The following ADAMTSL1 variants were observed in gnomAD, a reference collection of about 807,000 sequenced individuals.
ADAMTSL1 encodes the protein ADAMTS like 1.
Under a neutral mutation model 201.8 loss-of-function variants are expected in ADAMTSL1, and 126 were observed. The ratio of observed to expected loss-of-function variants is 0.62; its 90% CI spans 0.54 to 0.72. The LOEUF (loss-of-function observed/expected upper bound fraction) is 0.72, where lower values mean the gene tolerates loss of function less well. Ranked by LOEUF, ADAMTSL1 falls within the 30% of genes least tolerant of loss-of-function variation. ADAMTSL1 has a pLI of 0.00. For missense variants in ADAMTSL1, 2,679 were observed against 2,277.8 expected, an observed-to-expected ratio of 1.18 and a Z score of -3.59; for synonymous variants, 1,121 against 903.4, an observed-to-expected ratio of 1.24 and a Z score of -4.32.
intron 2 of ADAMTSL1, among the ~76,000 whole-genome samples, chr9:18,276,700 A>T (rs183586131): frequency 5.3e-5 from 8 of 152,322 alleles, no homozygotes; most frequent in African/African-American, 1.9e-4. Flanking sequence ...GGTGTATATC[A>T]CATGATGAGA....
intron 5 of ADAMTSL1, among the ~76,000 whole-genome samples, chr9:18,622,927 A>C (rs1826125823): frequency 6.6e-6 from 1 of 152,132 alleles, no homozygotes; most frequent in Non-Finnish European, 1.5e-5. Context: ...TGAGTCTCTC[A>C]TTCTGTTGCC....
chr9:18,267,762 T>TAAAAAAAAAA lies in ADAMTSL1; in HGVS notation c.207+103784_207+103793dup, dbSNP rs72030473. Among the ~76,000 whole-genome samples, 23 of 125,250 alleles carry TAAAAAAAAAA rather than the reference T, an allele frequency of 1.8e-4. 1 individual carries two copies. The highest frequency in any genetic ancestry group is 7.1e-4 in the East Asian group (3 of 4,250). 82.2% of individuals were successfully genotyped at this position (125,250 alleles called of 152,430 possible). On this transcript the variant is annotated intron_variant, in intron 2 of 29. Coordinates refer to the ADAMTSL1 transcript ENST00000680146. ...ATTTCTCAGGTTACTCAAAGGCTATTAAAAAAAAAAAACAAAAACAAAAAC... is the reference window on the plus strand; with the variant it reads ...ATTTCTCAGGTTACTCAAAGGCTATTAAAAAAAAAAAAAAAAAAAAAACAAAAACAAAAAC...
chr9:18,302,718 T>C (rs1422303489), intron 2 of ADAMTSL1, among the ~76,000 whole-genome samples: 1 of 152,216 alleles, frequency 6.6e-6, no homozygotes, highest in Non-Finnish European at 1.5e-5. Flanking sequence ...TTTAATGCTG[T>C]CTTATGTTTC....
intron 2 of ADAMTSL1, among the ~76,000 whole-genome samples, chr9:18,166,536 A>G (rs1827640927): frequency 6.6e-6 from 1 of 151,966 alleles, no homozygotes; most frequent in South Asian, 2.1e-4. Context: ...TCTTCAAGCC[A>G]GTATATAGGT....
chr9:18,484,507 C>A (rs769691159), intron 1 of ADAMTSL1, among the ~76,000 whole-genome samples: 1 of 152,080 alleles, frequency 6.6e-6, no homozygotes, highest in Non-Finnish European at 1.5e-5. Context: ...GAAACCTAAG[C>A]TTAATGGGTG....
intron 14 of ADAMTSL1, among the ~76,000 whole-genome samples, chr9:18,713,262 A>C (rs1452614263): frequency 1.3e-5 from 2 of 152,136 alleles, no homozygotes; most frequent in Non-Finnish European, 2.9e-5. Context: ...TTAACTTTAA[A>C]TGTCAATGGA....
At chr9:18,493,441 T>C (rs1001132114) in intron 1 of ADAMTSL1, among the ~76,000 whole-genome samples, 3 of 152,208 alleles carry the variant, frequency 2.0e-5, no homozygotes, top group Non-Finnish European at 2.9e-5. Flanking sequence ...CCCAGTTCTC[T>C]TTCTAATCCC....
chr9:18,174,681 T>C (rs898411357), intron 2 of ADAMTSL1, among the ~76,000 whole-genome samples: 1 of 152,154 alleles, frequency 6.6e-6, no homozygotes, highest in African/African-American at 2.4e-5. Context: ...ACTAAGATTG[T>C]AATCGGGCTG....
intron 4 of ADAMTSL1, among the ~76,000 whole-genome samples, chr9:18,574,955 A>T (rs368768272): frequency 3.3e-5 from 5 of 152,148 alleles, no homozygotes; most frequent in African/African-American, 1.2e-4. Flanking sequence ...TTGGATTAGG[A>T]TTACCAGTCT....
At position 18,250,884 on chromosome 9, in the gene ADAMTSL1, C is replaced by T. The variant is rs1206041276; in HGVS notation, c.207+86903C>T. On this transcript the variant is annotated intron_variant, in intron 2 of 29. Coordinates refer to the ADAMTSL1 transcript ENST00000680146. Reference sequence around the variant, plus strand: ...GCCACTGCTAAGGAATCTCTACCAACTTATGTGTGAGTGCTAAAGAAACGC... The same window carrying T: ...GCCACTGCTAAGGAATCTCTACCAATTTATGTGTGAGTGCTAAAGAAACGC... Among the ~76,000 whole-genome samples the T allele has an allele frequency of 4.6e-5, 7 of 152,242 alleles. No homozygotes were observed. The East Asian group carries it at 9.7e-4, about 21-fold the overall frequency.
At chr9:18,478,636 G>A (rs886980900) in intron 1 of ADAMTSL1, among the ~76,000 whole-genome samples, 2 of 152,016 alleles carry the variant, frequency 1.3e-5, no homozygotes, top group Non-Finnish European at 2.9e-5. Context: ...AAGTTTAATT[G>A]TGCCCTCCTC....
At chr9:18,363,729 A>T (rs2133090691) in intron 2 of ADAMTSL1, among the ~76,000 whole-genome samples, 1 of 152,340 alleles carries the variant, frequency 6.6e-6, no homozygotes, top group South Asian at 2.1e-4. Flanking sequence ...GGAAGGGGAA[A>T]ATCAGAGCTG....
At chr9:18,316,772 G>A (rs12339435) in intron 2 of ADAMTSL1, among the ~76,000 whole-genome samples, 47,999 of 152,038 alleles carry the variant, frequency 0.32, 8,426 homozygotes, top group Admixed American at 0.5. Flanking sequence ...GACAGGCATA[G>A]GAAATCACAA....
chr9:18,897,516 C>A (rs995062471), intron 26 of ADAMTSL1, among the ~76,000 whole-genome samples: 3 of 152,256 alleles, frequency 2.0e-5, no homozygotes, highest in African/African-American at 7.2e-5. Context: ...GAGGAAGGGG[C>A]AGGCTGCCAT....
intron 8 of ADAMTSL1, among the ~76,000 whole-genome samples, chr9:18,659,776 A>G (rs1411579303): frequency 1.3e-5 from 2 of 152,206 alleles, no homozygotes; most frequent in Non-Finnish European, 2.9e-5. Context: ...CAAAAAAAGA[A>G]GAAAGAAAGA....
chr9:18,105,284 A>C (rs1378193395), intron 1 of ADAMTSL1, among the ~76,000 whole-genome samples: 1 of 152,158 alleles, frequency 6.6e-6, no homozygotes, highest in African/African-American at 2.4e-5. Context: ...ATTGCTATGG[A>C]TAATCAGAAC....
At position 18,588,799 on chromosome 9, in the gene ADAMTSL1, C is replaced by A. The variant is rs191777543; in HGVS notation, c.474+14533C>A. Among the ~76,000 whole-genome samples, 189 of 146,178 alleles carry A rather than the reference C, an allele frequency of 1.3e-3. 1 individual carries two copies. The highest frequency in any genetic ancestry group is 1.1e-3 in the Non-Finnish European group (72 of 65,096). ...TGGATTTATTTCTGGGTTCTCTATT[C>A]TGTTCCATTGGTGTATCTGTCTGTT... On this transcript the variant is annotated intron_variant, in intron 4 of 28. Transcript: ENST00000380548.
chr9:18,413,646 T>C (rs779536938), intron 2 of ADAMTSL1, among the ~76,000 whole-genome samples: 1 of 152,224 alleles, frequency 6.6e-6, no homozygotes, highest in Non-Finnish European at 1.5e-5. Flanking sequence ...TATTGACTTA[T>C]GATTTGTTTT....
chr9:17,942,296 T>C (rs1827269949), intron 1 of ADAMTSL1, among the ~76,000 whole-genome samples: 1 of 152,182 alleles, frequency 6.6e-6, no homozygotes, highest in Non-Finnish European at 1.5e-5. Context: ...AATATTACCT[T>C]GTATTACCTA....
Sources: gnomAD v4.1 joint callset for allele counts (sites outside exome capture counted in the v4.1 genomes callset) on GRCh38, gnomAD v4.1.1 for gene constraint, MANE v1.5 for transcripts, NCBI Gene and HGNC (gene_info 2026-07-23, HGNC 2026-07-21) for gene names.